The following GRID2 variants were observed in gnomAD, a reference collection of about 807,000 sequenced individuals.
GRID2 encodes the protein glutamate receptor ionotropic, delta-2.
A neutral mutation model predicts 114.8 loss-of-function variants in GRID2; 33 were observed. The ratio of observed to expected loss-of-function variants is 0.29; its 90% CI spans 0.22 to 0.38. The LOEUF (loss-of-function observed/expected upper bound fraction) is 0.38, where lower values mean the gene tolerates loss of function less well. Among genes scored for constraint, GRID2 ranks in the 10% least tolerant of loss-of-function variants. The pLI is 1.00. For missense variants in GRID2, 1,184 were observed against 1,257.7 expected, an observed-to-expected ratio of 0.94 and a Z score of 0.89; for synonymous variants, 505 against 449.9, an observed-to-expected ratio of 1.12 and a Z score of -1.55.
At chr4:92,647,127 G>C (rs565156449) in intron 2 of GRID2, among the ~76,000 whole-genome samples, 5 of 152,278 alleles carry the variant, frequency 3.3e-5, no homozygotes, top group African/African-American at 7.2e-5. Flanking sequence ...TTTAATAATG[G>C]TGTGATCCTG....
chr4:93,175,062 A>G (rs770152125), intron 4 of GRID2, among the ~76,000 whole-genome samples: 4 of 152,184 alleles, frequency 2.6e-5, no homozygotes, highest in Admixed American at 6.5e-5. Context: ...TTCTTGGCTA[A>G]CTGCATTGTT....
Position 92,945,908 on chromosome 4 carries a change from A to G in GRID2, c.245-139087A>G, listed in dbSNP as rs17261882. ...CCCCCTTAACTTCAGTCCTCTTCAT[A>G]AATATTTCTGGCTGCAACTACTTGC... On this transcript the variant is annotated intron_variant, in intron 2 of 15. Transcript: ENST00000282020. Among the ~76,000 whole-genome samples, 772 of 152,280 alleles carry G rather than the reference A, an allele frequency of 5.1e-3. 5 individuals carry two copies. Among genetic ancestry groups the G allele is most frequent in the Middle Eastern group, 0.014 (4 of 294 alleles).
At chr4:92,320,060 C>T (rs1377255910) in intron 1 of GRID2, among the ~76,000 whole-genome samples, 1 of 152,062 alleles carries the variant, frequency 6.6e-6, no homozygotes, top group African/African-American at 2.4e-5. Context: ...GGAGTAAGTA[C>T]AGAAAATTCA....
chr4:93,496,783 A>T (rs1372342786), intron 12 of GRID2, among the ~76,000 whole-genome samples: 1 of 151,846 alleles, frequency 6.6e-6, no homozygotes, highest in Non-Finnish European at 1.5e-5. Context: ...TACTTACTGA[A>T]TGACATTTTT....
intron 13 of GRID2, among the ~76,000 whole-genome samples, chr4:93,553,182 G>C (rs1432028107): frequency 6.6e-6 from 1 of 152,132 alleles, no homozygotes; most frequent in East Asian, 1.9e-4. Context: ...GGTACTTCTA[G>C]TTCTAGATCC....
At chr4:93,710,161 G>T (rs1728361247) in intron 14 of GRID2, among the ~76,000 whole-genome samples, 1 of 152,120 alleles carries the variant, frequency 6.6e-6, no homozygotes, top group African/African-American at 2.4e-5. Context: ...GAACAGTTAG[G>T]TACTTATTGT....
intron 2 of GRID2, among the ~76,000 whole-genome samples, chr4:92,783,683 G>A (rs1314176390): frequency 2.0e-5 from 3 of 151,976 alleles, no homozygotes; most frequent in Non-Finnish European, 4.4e-5. Flanking sequence ...AGGAGTTCAG[G>A]ACCAGCCTAG....
intron 2 of GRID2, among the ~76,000 whole-genome samples, chr4:92,954,189 A>ATG (rs903794314): frequency 4.0e-5 from 6 of 151,178 alleles, no homozygotes; most frequent in East Asian, 3.9e-4. Context: ...AAAGCATACT[A>ATG]TGTGTGTGTG....
intron 4 of GRID2, among the ~76,000 whole-genome samples, chr4:93,128,057 AAAC>A (rs759125139): frequency 0.022 from 2,562 of 118,340 alleles, 122 homozygotes; most frequent in Non-Finnish European, 0.024. Flanking sequence ...AAAAAAAAAA[AAAC>A]AACAGTACGT....
intron 8 of GRID2, among the ~76,000 whole-genome samples, chr4:93,345,818 T>A (rs1243337158): frequency 6.6e-6 from 1 of 152,130 alleles, no homozygotes; most frequent in Non-Finnish European, 1.5e-5. Flanking sequence ...TTGATTTTTA[T>A]TTTTAGTGTG....
intron 2 of GRID2, among the ~76,000 whole-genome samples, chr4:92,886,452 A>T (rs1189873747): frequency 6.6e-6 from 1 of 152,116 alleles, no homozygotes; most frequent in South Asian, 2.1e-4. Context: ...AAAACACAAT[A>T]GCCTTGAAGT....
intron 11 of GRID2, among the ~76,000 whole-genome samples, chr4:93,472,490 A>T (rs1250199630): frequency 6.6e-6 from 1 of 152,210 alleles, no homozygotes; most frequent in Non-Finnish European, 1.5e-5. Context: ...TTTCATTCAC[A>T]TAGCTAAATG....
intron 1 of GRID2, among the ~76,000 whole-genome samples, chr4:92,434,628 T>G (rs1295919636): frequency 1.3e-5 from 2 of 152,122 alleles, no homozygotes; most frequent in Non-Finnish European, 2.9e-5. Context: ...AGAATAGAGA[T>G]AGGGTAATTT....
chr4:93,729,293 A>G (rs1048953960), intron 14 of GRID2, among the ~76,000 whole-genome samples: 28 of 152,304 alleles, frequency 1.8e-4, no homozygotes, highest in African/African-American at 5.1e-4. Context: ...ATCAAGTTCT[A>G]GTAAATTTCA....
chr4:92,727,667 T>G (rs1446957647), intron 2 of GRID2, among the ~76,000 whole-genome samples: 1 of 152,126 alleles, frequency 6.6e-6, no homozygotes. Flanking sequence ...TTATACAAAT[T>G]GCTATGTGAA....
At chr4:92,619,523 A>AT (rs939930519) in intron 2 of GRID2, among the ~76,000 whole-genome samples, 15 of 151,474 alleles carry the variant, frequency 9.9e-5, no homozygotes, top group South Asian at 2.1e-4. Context: ...GCCTTCCTTG[A>AT]TTTTTTTAAA....
At chr4:92,924,305 C>G (rs550293157) in intron 2 of GRID2, among the ~76,000 whole-genome samples, 15 of 151,418 alleles carry the variant, frequency 9.9e-5, no homozygotes, top group Non-Finnish European at 5.9e-5. Context: ...TGTTAAATGA[C>G]GAGTTAATGG....
chr4:93,164,008 T>C (rs1432789603), intron 4 of GRID2, among the ~76,000 whole-genome samples: 1 of 152,028 alleles, frequency 6.6e-6, no homozygotes, highest in Admixed American at 6.6e-5. Context: ...GTCTTATAAT[T>C]ACCTATTAAG....
At chr4:93,174,608 G>C (rs1245175314) in intron 4 of GRID2, among the ~76,000 whole-genome samples, 5 of 152,122 alleles carry the variant, frequency 3.3e-5, no homozygotes. Context: ...TGATAGGACT[G>C]TGGGCCTTAG....
Sources: allele counts gnomAD v4.1 joint callset (sites outside exome capture counted in the v4.1 genomes callset), GRCh38; gene constraint gnomAD v4.1.1; transcripts MANE v1.5; gene names NCBI Gene and HGNC (gene_info 2026-07-23, HGNC 2026-07-21).